Variants in UNC13C observed in about 807,000 individuals in gnomAD.
The protein encoded by UNC13C is protein unc-13 homolog C.
A neutral mutation model predicts 245.4 loss-of-function variants in UNC13C; 174 were observed. The ratio of observed to expected loss-of-function variants is 0.71; its 90% confidence interval spans 0.63 to 0.80. UNC13C has a LOEUF of 0.80. Among genes scored for constraint, UNC13C ranks in the 30% least tolerant of loss-of-function variants. The pLI is 0.00. For missense variants in UNC13C, 2,829 were observed against 2,602.9 expected (o/e 1.09, Z -1.89); for synonymous variants, 992 against 895.1 (o/e 1.11, Z -1.93).
intron 19 of UNC13C, among the ~76,000 whole-genome samples, chr15:54,433,319 T>TGAGGA (rs1424865471): frequency 6.6e-6 from 1 of 151,904 alleles, no homozygotes; most frequent in African/African-American, 2.4e-5. Flanking sequence ...ATGAACATCT[T>TGAGGA]TGCAAAAATC....
At chr15:53,871,777 G>T in the UNC13C span, among the ~76,000 whole-genome samples, 1 of 152,248 alleles carries the variant, frequency 6.6e-6, no homozygotes, top group East Asian at 1.9e-4. Flanking sequence ...CTAGCATCTT[G>T]ATTGAAGCAA....
At chr15:53,918,769 G>A in the UNC13C span, among the ~76,000 whole-genome samples, 25 of 152,308 alleles carry the variant, frequency 1.6e-4, no homozygotes, top group East Asian at 4.1e-3. Context: ...CTTCCTGGAA[G>A]TGCCTGTCAT....
At chr15:54,132,851 A>G (rs1007827041) in intron 2 of UNC13C, among the ~76,000 whole-genome samples, 2 of 152,228 alleles carry the variant, frequency 1.3e-5, no homozygotes, top group African/African-American at 4.8e-5. Flanking sequence ...CCTCAGAGCA[A>G]AGATGTTTAA....
intron 4 of UNC13C, among the ~76,000 whole-genome samples, chr15:54,205,937 C>G (rs1348979371): frequency 6.6e-6 from 1 of 151,996 alleles, no homozygotes; most frequent in Non-Finnish European, 1.5e-5. Context: ...GGATTACATT[C>G]AGCACATCTA....
the UNC13C span, among the ~76,000 whole-genome samples, chr15:53,863,320 C>A: frequency 6.6e-6 from 1 of 152,124 alleles, no homozygotes. Flanking sequence ...TGTAGGTTGG[C>A]CTCACCCTTC....
chr15:54,543,418 C>A (rs1896337156), intron 26 of UNC13C, among the ~76,000 whole-genome samples: 1 of 151,610 alleles, frequency 6.6e-6, no homozygotes, highest in African/African-American at 2.4e-5. Context: ...AATTCAAAAG[C>A]TAGGAGAAAA....
At chr15:54,161,488 T>C (rs1402558995) in intron 4 of UNC13C, among the ~76,000 whole-genome samples, 3 of 152,144 alleles carry the variant, frequency 2.0e-5, no homozygotes, top group African/African-American at 7.2e-5. Context: ...ATTAATTTAA[T>C]TATATTTTAA....
At chr15:54,143,549 A>C in intron 3 of UNC13C, 71 bp from the exon 4 acceptor site, 2 of 1,314,722 alleles carry the variant, frequency 1.5e-6, no homozygotes, top group Non-Finnish European at 2.2e-6. Context: ...CTGTGTCCCG[A>C]TTTCGTGTAC....
intron 2 of UNC13C, among the ~76,000 whole-genome samples, chr15:54,087,385 C>A (rs1353863603): frequency 6.6e-6 from 1 of 152,172 alleles, no homozygotes; most frequent in Non-Finnish European, 1.5e-5. Flanking sequence ...GACAGGACAG[C>A]TCTGCATTTT....
chr15:53,962,052 A>G, the UNC13C span, among the ~76,000 whole-genome samples: 1 of 152,178 alleles, frequency 6.6e-6, no homozygotes, highest in Non-Finnish European at 1.5e-5. Flanking sequence ...GCTCCTCTCT[A>G]TCTCCATCAA....
chr15:53,992,499 A>G (rs1894436317), intron 1 of UNC13C, among the ~76,000 whole-genome samples: 2 of 152,034 alleles, frequency 1.3e-5, no homozygotes, highest in Non-Finnish European at 1.5e-5. Context: ...GCTAGCCCCA[A>G]CAAGAAGGAG....
At chr15:54,546,961 A>G (rs1486527430) in intron 27 of UNC13C, 116 bp downstream of exon 27, 9 of 962,134 alleles carry the variant, frequency 9.4e-6, no homozygotes, top group Non-Finnish European at 1.3e-5. Context: ...AGTGTTTGGT[A>G]TCCAGTTTCT....
the UNC13C span, among the ~76,000 whole-genome samples, chr15:53,973,108 A>G: frequency 6.6e-6 from 1 of 152,170 alleles, no homozygotes; most frequent in Non-Finnish European, 1.5e-5. Context: ...GCTCAGGGAG[A>G]TTACATAAAT....
At chr15:54,510,639 A>G in intron 23 of UNC13C, among the ~76,000 whole-genome samples, 1 of 152,172 alleles carries the variant, frequency 6.6e-6, no homozygotes, top group East Asian at 1.9e-4. Context: ...TCAAGTAGAA[A>G]GTTTTTCAAA....
At chr15:54,439,582 TAG>T (rs1350475455) in intron 19 of UNC13C, among the ~76,000 whole-genome samples, 3 of 151,998 alleles carry the variant, frequency 2.0e-5, no homozygotes, top group Non-Finnish European at 4.4e-5. Context: ...AATAATAGCA[TAG>T]ATGCATTTAT....
chr15:54,175,944 A>G (rs573472484), intron 4 of UNC13C, among the ~76,000 whole-genome samples: 39 of 152,334 alleles, frequency 2.6e-4, no homozygotes, highest in Non-Finnish European at 4.7e-4. Flanking sequence ...GCTTTTCAGC[A>G]TAGTGTGAGA....
chr15:54,551,515 C>A (rs1896735167), intron 28 of UNC13C, among the ~76,000 whole-genome samples: 1 of 152,000 alleles, frequency 6.6e-6, no homozygotes, highest in Non-Finnish European at 1.5e-5. Context: ...TATATACATG[C>A]TCTGTGGGAA....
chr15:54,071,666 AAC>A (rs1378431831), intron 2 of UNC13C, among the ~76,000 whole-genome samples: 3 of 112,628 alleles, frequency 2.7e-5, no homozygotes, highest in Admixed American at 1.6e-4. Flanking sequence ...GGTTGAAAAA[AAC>A]AAAAAGAACA....
intron 16 of UNC13C, among the ~76,000 whole-genome samples, chr15:54,334,768 A>G (rs1484971782): frequency 6.6e-6 from 1 of 152,162 alleles, no homozygotes; most frequent in Non-Finnish European, 1.5e-5. Flanking sequence ...TGTGCAGCTA[A>G]TGATGGCGAG....
Sources: gnomAD v4.1 joint callset for allele counts (sites outside exome capture counted in the v4.1 genomes callset) on GRCh38, gnomAD v4.1.1 for gene constraint, MANE v1.5 for transcripts, NCBI Gene and HGNC (gene_info 2026-07-23, HGNC 2026-07-21) for gene names.